Variants in CBR3 observed in about 807,000 individuals in gnomAD.
CBR3 encodes carbonyl reductase [NADPH] 3.
CBR3 carries 14 observed loss-of-function variants against 11.6 expected under a neutral mutation model. That is an observed-to-expected ratio of 1.20 (90% CI 0.79 to 1.88). CBR3 has a LOEUF of 1.88. Among genes scored for constraint, CBR3 ranks in the 40% most tolerant of loss-of-function variants. The probability of loss-of-function intolerance (pLI) is 0.00; values close to 1 mark genes in which losing one functional copy is unlikely to be tolerated. For missense variants in CBR3, 308 were observed against 357.3 expected (o/e 0.86, Z 1.11); for synonymous variants, 125 against 145.6 (o/e 0.86, Z 1.02).
chr21:36,141,536 T>G (rs1439863711), intron 2 of CBR3: 6 of 152,238 alleles, frequency 3.9e-5, no homozygotes, highest in Non-Finnish European at 7.3e-5. Flanking sequence ...CAGTAAGTCC[T>G]AAGTGGAACC....
At position 36,135,445 on chromosome 21, in the gene CBR3, A is replaced by T; in HGVS notation, c.253A>T (p.Asn85Tyr). 6.2e-7 allele frequency: 1 copy of T among 1,613,522 alleles called. No individual in the cohort carries two copies. Among genetic ancestry groups the T allele is most frequent in the African/African-American group, 1.3e-5 (1 of 75,030 alleles). The change falls in exon 1 of 3, where the codon AAC (asparagine) becomes TAC (tyrosine). Residue 85 changes from asparagine to tyrosine, a missense_variant. By Grantham distance (143) the Asn-to-Tyr change is moderately radical. Coordinates refer to ENST00000290354, the MANE Select transcript of CBR3 (RefSeq NM_001236.4). ...DFLRKEYGGL[N>Y]VLVNNAAVAF... is the part of the protein sequence containing the mutation. ...CCTGCGCAAGGAGTACGGGGGGCTC[A>T]ACGTACTGGTCAACAACGCGGCCGT... is the stretch of plus-strand genomic sequence containing the variant.
chr21:36,140,171 G>A (rs532561387), intron 2 of CBR3, among the ~76,000 whole-genome samples: 62 of 152,122 alleles, frequency 4.1e-4, no homozygotes, highest in African/African-American at 1.4e-3. Flanking sequence ...TTACAGGCTT[G>A]AGCCACCGCA....
chr21:36,146,275 G>A lies in CBR3; in HGVS notation c.597G>A (p.Leu199=). ...ACTCACCTTATGGGGTGTCCAAGTTGGGGGTCACGGTCTTATCGAGGATCC... is the reference window on the plus strand; with the variant it reads ...ACTCACCTTATGGGGTGTCCAAGTTAGGGGTCACGGTCTTATCGAGGATCC... ...WPNSPYGVSK[L]GVTVLSRILA... Residue 199 remains leucine, a synonymous_variant, in exon 3 of 3, where the codon TTG becomes TTA. Transcript: ENST00000290354. 6.2e-7 allele frequency: 1 copy of A among 1,614,150 alleles called. No homozygotes were observed. Among genetic ancestry groups the A allele is most frequent in the Non-Finnish European group, 8.5e-7 (1 of 1,180,024 alleles).
rs148816539 is a variant in CBR3, at chr21:36,146,170, A to G, written c.492A>G (p.Thr164=). The change falls in exon 3 of 3, where the codon ACA becomes ACG. Residue 164 remains threonine, a synonymous_variant. Transcript: ENST00000290354. ...LQERFHSETL[T]EGDLVDLMKK... Reference sequence around the variant, plus strand: ...AAAGGTTCCACAGTGAGACACTCACAGAAGGAGACCTGGTGGATCTCATGA... The same window carrying G: ...AAAGGTTCCACAGTGAGACACTCACGGAAGGAGACCTGGTGGATCTCATGA... 1.4e-5 allele frequency: 22 copies of G among 1,613,452 alleles called. No homozygotes were observed. The African/African-American group carries it at 1.9e-4, about 14-fold the overall frequency.
At chr21:36,142,901 G>C (rs951556214) in intron 2 of CBR3, among the ~76,000 whole-genome samples, 2 of 152,190 alleles carry the variant, frequency 1.3e-5, no homozygotes, top group Non-Finnish European at 2.9e-5. Flanking sequence ...TGAGGTGCTA[G>C]TTTCCAAGGA....
At chr21:36,135,658 C>T in intron 1 of CBR3, 177 bp downstream of exon 1, 1 of 609,898 alleles carries the variant, frequency 1.6e-6, no homozygotes, top group East Asian at 3.3e-5. Context: ...TTCGCTGAGC[C>T]CCAGGCGGGC....
At position 36,135,316 on chromosome 21, in the gene CBR3, C is replaced by T. The variant is rs1021362849; in HGVS notation, c.124C>T (p.Arg42Trp). 6.2e-7 allele frequency: 1 copy of T among 1,610,442 alleles called. No individual in the cohort carries two copies. Among genetic ancestry groups the T allele is most frequent in the African/African-American group, 1.3e-5 (1 of 74,866 alleles). ...GGTGCTCACCGCGCGGGACGTGGCG[C>T]GGGGCCAGGCGGCCGTGCAGCAGCT... ...DVVLTARDVA[R>W]GQAAVQQLQA... The change falls in exon 1 of 3, where the codon CGG becomes TGG. Residue 42 changes from arginine (R) to tryptophan (W), a missense_variant. Arg to Trp is a moderately radical substitution (Grantham distance 101, BLOSUM62 -3). Transcript: ENST00000290354.
At chr21:36,139,382 CTTTTT>C (rs35931656) in intron 2 of CBR3, among the ~76,000 whole-genome samples, 1 of 126,682 alleles carries the variant, frequency 7.9e-6, no homozygotes, top group Non-Finnish European at 1.6e-5. Flanking sequence ...CTTGCTTTTT[CTTTTT>C]TTTTTTTTTT....
At chr21:36,137,377 G>A (rs1486674197) in intron 1 of CBR3, 2 of 157,244 alleles carry the variant, frequency 1.3e-5, no homozygotes, top group Non-Finnish European at 2.8e-5. Flanking sequence ...TCCAGAGGCT[G>A]AGGCAGGAGA....
At chr21:36,137,970 A>T (rs772195497) in intron 2 of CBR3, 38 bp downstream of exon 2, 2 of 1,123,748 alleles carry the variant, frequency 1.8e-6, no homozygotes, top group Non-Finnish European at 2.7e-6. Context: ...TGCATCCCTC[A>T]GTAAGAAGTG....
chr21:36,142,436 A>AAAAAAAAACAAAAAAAAAAAAC (rs1555883303), intron 2 of CBR3, among the ~76,000 whole-genome samples: 1 of 119,626 alleles, frequency 8.4e-6, no homozygotes, highest in African/African-American at 2.9e-5. Flanking sequence ...CATCTCAAAA[A>AAAAAAAAACAAAAAAAAAAAAC]AAAAAAAAAA....
At position 36,135,205 on chromosome 21, in the gene CBR3, A is replaced by C; in HGVS notation, c.13A>C (p.Ser5Arg). The C allele has an allele frequency of 6.7e-7, 1 of 1,502,586 alleles. No individual in the cohort carries two copies. Among genetic ancestry groups the C allele is most frequent in the Non-Finnish European group, 8.9e-7 (1 of 1,126,408 alleles). The allele number at this position is 1,502,586 out of a possible 1,614,324, so 93.1% of individuals were successfully genotyped here. A position where few individuals can be genotyped will look rare whatever the true frequency, so the allele number is the denominator to read the frequency against. MSSC[S>R]RVALVTGANR... ...TCCCCGCTCAGCCATGTCGTCCTGC[A>C]GCCGCGTGGCGCTGGTGACCGGGGC... Residue 5 changes from serine (S) to arginine (R), a missense_variant, in exon 1 of 3, where the codon AGC becomes CGC. Physicochemically the swap from Ser to Arg is moderately radical, Grantham distance 110 (BLOSUM62 -1). Coordinates refer to ENST00000290354, the MANE Select transcript of CBR3 (RefSeq NM_001236.4).
chr21:36,135,826 G>A (rs1441448158), intron 1 of CBR3, among the ~76,000 whole-genome samples: 2 of 152,230 alleles, frequency 1.3e-5, no homozygotes, highest in Admixed American at 6.5e-5. Context: ...CTTCCAACGC[G>A]AGAAACATTT....
intron 2 of CBR3, 54 bp from the exon 3 acceptor site, chr21:36,146,022 A>G (rs2065752157): frequency 1.6e-6 from 2 of 1,212,652 alleles, no homozygotes; most frequent in Non-Finnish European, 1.2e-6. Context: ...ATATTATTCA[A>G]CCAGTGGTTG....
rs758091108 is a variant in CBR3, at chr21:36,146,210, GA to G, written c.533del (p.Asp178AlafsTer46). On this transcript the variant is annotated frameshift_variant, in exon 3 of 3. Coordinates refer to ENST00000290354, the MANE Select transcript of CBR3 (RefSeq NM_001236.4). LOFTEE classifies it low-confidence loss of function (END_TRUNC). ...GGATCTCATGAAAAAGTTTGTGGAG[GA>G]CACAAAAAATGAGGTGCATGAGAGG... ...LVDLMKKFVE[D>X]TKNEVHEREG... The G allele has an allele frequency of 6.8e-4, 1,094 of 1,614,122 alleles. 8 individuals are homozygous for G. Among genetic ancestry groups the G allele is most frequent in the Middle Eastern group, 1.5e-3 (9 of 6,062 alleles).
rs2065647244 is a variant in CBR3 at position 36,135,082 on chromosome 21, A to C, written c.-111A>C. On this transcript the variant is annotated 5_prime_UTR_variant, in exon 1 of 3. Transcript: ENST00000290354. ...AAGACTCGCAGCACTGGATCCCAGAACTTAGTCTGCGCGGCGGCATTGACA... is the reference window on the plus strand; with the variant it reads ...AAGACTCGCAGCACTGGATCCCAGACCTTAGTCTGCGCGGCGGCATTGACA... The C allele has an allele frequency of 1.8e-6, 2 of 1,112,576 alleles. No homozygotes were observed. The highest frequency in any genetic ancestry group is 3.1e-4 in the Middle Eastern group (1 of 3,244). The allele number at this position is 1,112,576 out of a possible 1,614,324, so 68.9% of individuals were successfully genotyped here. A position where few individuals can be genotyped will look rare whatever the true frequency, so the allele number is the denominator to read the frequency against.
chr21:36,145,971 A>AC (rs1230359348), intron 2 of CBR3, 105 bp from the exon 3 acceptor site: 27 of 797,932 alleles, frequency 3.4e-5, no homozygotes, highest in Non-Finnish European at 3.1e-5. Flanking sequence ...AAAAAAAAAA[A>AC]AAAAAAAAAA....
intron 1 of CBR3, among the ~76,000 whole-genome samples, chr21:36,136,681 GGC>G (rs1400898339): frequency 6.6e-6 from 1 of 152,116 alleles, no homozygotes; most frequent in East Asian, 1.9e-4. Context: ...TGCAAACCTG[GGC>G]GCTCATGGCA....
chr21:36,135,364 C>T lies in CBR3; in HGVS notation c.172C>T (p.Arg58Cys). Residue 58 changes from arginine (R) to cysteine (C), a missense_variant, in exon 1 of 3, where the codon CGC becomes TGC. Arg to Cys is a radical substitution (Grantham distance 180, BLOSUM62 -3). Coordinates refer to ENST00000290354, the MANE Select transcript of CBR3 (RefSeq NM_001236.4). Reference protein sequence around the residue: ...QQLQAEGLSPRFHQLDIDDLQ... With the variant: ...QQLQAEGLSPCFHQLDIDDLQ... ...GCTGCAGGCGGAGGGCCTGAGCCCG[C>T]GCTTCCACCAACTGGACATCGACGA... is the stretch of plus-strand genomic sequence containing the variant. The T allele has an allele frequency of 1.2e-6, 2 of 1,612,970 alleles. No individual in the cohort carries two copies. The highest frequency in any genetic ancestry group is 1.7e-6 in the Non-Finnish European group (2 of 1,179,814).
Sources: allele counts gnomAD v4.1 joint callset (sites outside exome capture counted in the v4.1 genomes callset), GRCh38; gene constraint gnomAD v4.1.1; transcripts MANE v1.5; gene names NCBI Gene and HGNC (gene_info 2026-07-23, HGNC 2026-07-21).